Variants in ANTXR1 observed in about 807,000 individuals in gnomAD.
The protein encoded by ANTXR1 is ANTXR cell adhesion molecule 1.
In ANTXR1, 19 loss-of-function variants were observed where a neutral mutation model predicts 78.1. The ratio of observed to expected loss-of-function variants is 0.24; its 90% CI spans 0.17 to 0.36. The LOEUF (loss-of-function observed/expected upper bound fraction) is 0.36, where lower values mean the gene tolerates loss of function less well. ANTXR1 is among the 10% of genes least tolerant of loss of function. The pLI, the probability that ANTXR1 is intolerant of heterozygous loss-of-function variation, is 1.00. For synonymous variants in ANTXR1, 273 were observed against 260.5 expected, an observed-to-expected ratio of 1.05 and a Z score of -0.46; for missense variants, 518 against 718.6, an observed-to-expected ratio of 0.72 and a Z score of 3.19.
chr2:69,218,739 C>T (rs1261680997), intron 17 of ANTXR1, among the ~76,000 whole-genome samples: 1 of 152,168 alleles, frequency 6.6e-6, no homozygotes, highest in Non-Finnish European at 1.5e-5. Context: ...AACACAGCAC[C>T]AGAAGGTGAA....
At chr2:69,029,035 G>A (rs1430611322) in intron 1 of ANTXR1, among the ~76,000 whole-genome samples, 2 of 129,042 alleles carry the variant, frequency 1.5e-5, no homozygotes, top group Non-Finnish European at 3.0e-5. Flanking sequence ...TGGGCAACAT[G>A]TTGAGACCCC....
chr2:69,113,315 G>C (rs1237556521), intron 10 of ANTXR1, among the ~76,000 whole-genome samples: 1 of 152,136 alleles, frequency 6.6e-6, no homozygotes, highest in Admixed American at 6.5e-5. Flanking sequence ...CTGCTCCTCT[G>C]CCATTTCAGT....
At chr2:69,098,183 T>G (rs931425305) in intron 9 of ANTXR1, among the ~76,000 whole-genome samples, 14 of 152,172 alleles carry the variant, frequency 9.2e-5, no homozygotes. Context: ...ATTATGATTG[T>G]GTACATATGT....
intron 12 of ANTXR1, among the ~76,000 whole-genome samples, chr2:69,147,876 G>A (rs1371475251): frequency 6.6e-6 from 1 of 152,222 alleles, no homozygotes; most frequent in East Asian, 1.9e-4. Context: ...GAGGCTCACT[G>A]AATTAAATGA....
chr2:69,087,189 A>G (rs1458150892), intron 8 of ANTXR1, among the ~76,000 whole-genome samples: 1 of 152,202 alleles, frequency 6.6e-6, no homozygotes, highest in Non-Finnish European at 1.5e-5. Context: ...GTCCAAGTCT[A>G]TCTTCTCAGT....
intron 12 of ANTXR1, among the ~76,000 whole-genome samples, chr2:69,129,693 G>A (rs1486209823): frequency 6.6e-6 from 1 of 151,870 alleles, no homozygotes; most frequent in East Asian, 1.9e-4. Flanking sequence ...AGAGGTTACA[G>A]TGAGCCGAGA....
At chr2:69,218,699 C>T (rs1304110628) in intron 17 of ANTXR1, among the ~76,000 whole-genome samples, 2 of 152,126 alleles carry the variant, frequency 1.3e-5, no homozygotes, top group Non-Finnish European at 1.5e-5. Flanking sequence ...ACTTGAAAAT[C>T]ACACTGGGAA....
intron 10 of ANTXR1, among the ~76,000 whole-genome samples, chr2:69,117,343 A>T (rs914837341): frequency 2.6e-5 from 4 of 152,208 alleles, no homozygotes; most frequent in Admixed American, 1.3e-4. Flanking sequence ...TAACTCAATT[A>T]ACTAACCCTT....
intron 3 of ANTXR1, among the ~76,000 whole-genome samples, chr2:69,045,092 C>T (rs1378253746): frequency 6.6e-6 from 1 of 152,138 alleles, no homozygotes; most frequent in Non-Finnish European, 1.5e-5. Context: ...CATCTGCTAA[C>T]TTGGAGCGAA....
intron 12 of ANTXR1, among the ~76,000 whole-genome samples, chr2:69,133,461 T>C (rs1672817826): frequency 6.6e-6 from 1 of 152,168 alleles, no homozygotes; most frequent in Non-Finnish European, 1.5e-5. Flanking sequence ...GGAAGGGAGA[T>C]TGGAGACTCA....
intron 13 of ANTXR1, among the ~76,000 whole-genome samples, chr2:69,165,067 G>A (rs1279589751): frequency 6.6e-6 from 1 of 152,184 alleles, no homozygotes; most frequent in African/African-American, 2.4e-5. Flanking sequence ...AAATGCAAGT[G>A]CCCCTCCCCA....
At chr2:69,040,255 C>A in intron 2 of ANTXR1, 140 bp downstream of exon 2, 1 of 750,774 alleles carries the variant, frequency 1.3e-6, no homozygotes, top group Non-Finnish European at 2.3e-6. Context: ...GGACCAGAGA[C>A]TGTTTGCTTT....
chr2:69,167,732 G>C (rs1673867968), intron 13 of ANTXR1, among the ~76,000 whole-genome samples: 1 of 152,188 alleles, frequency 6.6e-6, no homozygotes, highest in African/African-American at 2.4e-5. Flanking sequence ...GACCAGGTTG[G>C]AGGTGCTTAA....
rs115284911 is a variant in ANTXR1, at chr2:69,028,732, C to G, written c.153-11312C>G. ...TATTGCATCAACAGACAAAACCAGT[C>G]TGTCGTGAGAAAGGAACAAGCTGAA... On this transcript the variant is annotated intron_variant, in intron 1 of 17. Coordinates refer to ENST00000303714, the MANE Select transcript of ANTXR1 (RefSeq NM_032208.3). Among the ~76,000 whole-genome samples the G allele has an allele frequency of 5.3e-3, 812 of 152,154 alleles. 4 individuals are homozygous for G. The highest frequency in any genetic ancestry group is 0.018 in the African/African-American group (759 of 41,484).
At chr2:69,070,596 G>A (rs763371302) in intron 3 of ANTXR1, 51 bp from the exon 4 acceptor site, 1 of 1,563,772 alleles carries the variant, frequency 6.4e-7, no homozygotes. Flanking sequence ...GACTACAACA[G>A]CAAAGTAAAA....
intron 16 of ANTXR1, among the ~76,000 whole-genome samples, chr2:69,186,676 C>T (rs747399197): frequency 2.0e-5 from 3 of 152,216 alleles, no homozygotes; most frequent in South Asian, 2.1e-4. Flanking sequence ...AGAGACTACT[C>T]GACAGGAACT....
chr2:69,116,477 G>A (rs548156948), intron 10 of ANTXR1, among the ~76,000 whole-genome samples: 14 of 152,274 alleles, frequency 9.2e-5, no homozygotes, highest in South Asian at 2.1e-4. Context: ...GCCTAACTCC[G>A]GCCTGTCTGT....
At chr2:69,211,659 G>A (rs1675046989) in intron 17 of ANTXR1, among the ~76,000 whole-genome samples, 1 of 152,204 alleles carries the variant, frequency 6.6e-6, no homozygotes, top group South Asian at 2.1e-4. Context: ...TCTCCAAAGG[G>A]GGAACATACG....
At chr2:69,093,089 C>G (rs1429298391) in intron 9 of ANTXR1, among the ~76,000 whole-genome samples, 1 of 152,126 alleles carries the variant, frequency 6.6e-6, no homozygotes, top group Admixed American at 6.5e-5. Context: ...ATAATGAATT[C>G]CCTTCCTGTA....
Sources: gnomAD v4.1 joint callset for allele counts (sites outside exome capture counted in the v4.1 genomes callset) on GRCh38, gnomAD v4.1.1 for gene constraint, MANE v1.5 for transcripts, NCBI Gene and HGNC (gene_info 2026-07-23, HGNC 2026-07-21) for gene names.